The following KIF21A variants were observed in gnomAD, a reference collection of about 807,000 sequenced individuals.
The protein encoded by KIF21A is kinesin family member 21A.
Under a neutral mutation model 202.9 loss-of-function variants are expected in KIF21A, and 114 were observed. That is an observed-to-expected ratio of 0.56 (90% CI 0.48 to 0.66). The LOEUF is 0.66. Among genes scored for constraint, KIF21A ranks in the 30% least tolerant of loss-of-function variants. The pLI is 0.00. For synonymous variants in KIF21A, 667 were observed against 670.8 expected, an observed-to-expected ratio of 0.99 and a Z score of 0.09; for missense variants, 1,677 against 1,994.9, an observed-to-expected ratio of 0.84 and a Z score of 3.04.
At chr12:39,340,010 G>A (rs985885998) in intron 16 of KIF21A, among the ~76,000 whole-genome samples, 155 bp downstream of exon 16, 76 of 152,228 alleles carry the variant, frequency 5.0e-4, no homozygotes, top group Non-Finnish European at 4.3e-4. Context: ...ATGACTATTA[G>A]AAACAACTTC....
At chr12:39,424,075 T>C (rs1211206128) in intron 1 of KIF21A, among the ~76,000 whole-genome samples, 1 of 151,970 alleles carries the variant, frequency 6.6e-6, no homozygotes, top group East Asian at 1.9e-4. Flanking sequence ...CATGCATTAT[T>C]TGATACCACT....
intron 26 of KIF21A, among the ~76,000 whole-genome samples, chr12:39,323,543 G>T (rs1264844931): frequency 6.6e-6 from 1 of 152,066 alleles, no homozygotes; most frequent in Non-Finnish European, 1.5e-5. Flanking sequence ...GCCTTCTGAG[G>T]CAAGTAAAGG....
At chr12:39,327,536 C>T (rs79161124) in intron 24 of KIF21A, among the ~76,000 whole-genome samples, 7,620 of 152,258 alleles carry the variant, frequency 0.05, 653 homozygotes, top group African/African-American at 0.17. Context: ...TAACAGCAGG[C>T]TAAGATTTGC....
At chr12:39,336,299 A>G (rs1206130717) in intron 17 of KIF21A, among the ~76,000 whole-genome samples, 1 of 152,152 alleles carries the variant, frequency 6.6e-6, no homozygotes, top group Non-Finnish European at 1.5e-5. Flanking sequence ...AAAATTTTGG[A>G]AAGAAGAAGA....
At chr12:39,421,646 C>G (rs1188350114) in intron 1 of KIF21A, among the ~76,000 whole-genome samples, 1 of 150,732 alleles carries the variant, frequency 6.6e-6, no homozygotes, top group Non-Finnish European at 1.5e-5. Flanking sequence ...TAGGCCAGGG[C>G]TGCGCCACTG....
chr12:39,415,682 C>G (rs769600839), intron 1 of KIF21A, among the ~76,000 whole-genome samples: 2 of 152,216 alleles, frequency 1.3e-5, no homozygotes, highest in Admixed American at 6.5e-5. Flanking sequence ...GTGTCCCTCT[C>G]AATCTGCAGG....
intron 28 of KIF21A, among the ~76,000 whole-genome samples, chr12:39,319,515 T>A (rs1376513054): frequency 2.0e-5 from 3 of 152,000 alleles, no homozygotes; most frequent in Non-Finnish European, 1.5e-5. Context: ...TCTAAAGAGG[T>A]AGGGTCAAGA....
At chr12:39,416,661 A>G (rs150350447) in intron 1 of KIF21A, among the ~76,000 whole-genome samples, 4,714 of 103,292 alleles carry the variant, frequency 0.046, 1,044 homozygotes, top group African/African-American at 0.19. Context: ...ATATATGTGT[A>G]TATATATATG....
Position 39,332,876 on chromosome 12 carries a change from A to G in KIF21A, c.2702+17T>C. The G allele has an allele frequency of 6.2e-7, 1 of 1,612,726 alleles. No homozygotes were observed. Among genetic ancestry groups the G allele is most frequent in the Non-Finnish European group, 8.5e-7 (1 of 1,179,342 alleles). On this transcript the variant is annotated intron_variant, in intron 19 of 37. Transcript: ENST00000361418. ...CGGCCAAGAAGATTACATCAGCAGG[A>G]ACAGAATTATGTAGACCTGTTTCCA...
At chr12:39,431,415 T>C (rs1937881575) in intron 1 of KIF21A, among the ~76,000 whole-genome samples, 1 of 152,152 alleles carries the variant, frequency 6.6e-6, no homozygotes, top group Non-Finnish European at 1.5e-5. Flanking sequence ...AAGCCAAGTT[T>C]GGACAAGTAA....
At chr12:39,359,307 C>T (rs1057293492) in intron 7 of KIF21A, among the ~76,000 whole-genome samples, 10 of 152,302 alleles carry the variant, frequency 6.6e-5, no homozygotes, top group Admixed American at 3.9e-4. Context: ...AATCCAAGAA[C>T]CAAATCCTCC....
chr12:39,314,976 C>A (rs1302519374), intron 31 of KIF21A, among the ~76,000 whole-genome samples: 1 of 151,690 alleles, frequency 6.6e-6, no homozygotes, highest in Non-Finnish European at 1.5e-5. Flanking sequence ...TTTATATAAA[C>A]TACCAAAGAT....
In KIF21A at chr12:39,370,253, GGT is replaced by G; in HGVS notation, c.51_52del (p.Arg17SerfsTer9). 1 of 1,608,816 alleles carries G rather than the reference GGT, an allele frequency of 6.2e-7. No individual in the cohort carries two copies. Among genetic ancestry groups the G allele is most frequent in the Non-Finnish European group, 8.5e-7 (1 of 1,176,144 alleles). On this transcript the variant is annotated frameshift_variant, in exon 2 of 38. Coordinates refer to ENST00000361418, the MANE Select transcript of KIF21A (RefSeq NM_001173464.2). LOFTEE classifies it high-confidence loss of function. Reference sequence around the variant, plus strand: ...TTCAATCTTCTCTTTGGCAAGCTGTGGTCTTATTCTGTGAGAAATAATCAGAA... The same window carrying G: ...TTCAATCTTCTCTTTGGCAAGCTGTGCTTATTCTGTGAGAAATAATCAGAA...
chr12:39,406,908 C>G (rs1280317799), intron 1 of KIF21A, among the ~76,000 whole-genome samples: 2 of 152,198 alleles, frequency 1.3e-5, no homozygotes, highest in African/African-American at 2.4e-5. Context: ...TCAGCTCATT[C>G]CCTTGTTTCT....
intron 6 of KIF21A, among the ~76,000 whole-genome samples, chr12:39,365,621 T>TA (rs59962555): frequency 0.13 from 19,718 of 152,144 alleles, 1,366 homozygotes; most frequent in African/African-American, 0.18. Flanking sequence ...CAATCATTAC[T>TA]AAAAAAAATT....
rs1947905553 is a variant in KIF21A, at chr12:39,346,516, C to CAGTATTGGAAGCACAGTATTG, written c.1674-13_1674-12insCAATACTGTGCTTCCAATACT. On this transcript the variant is annotated splice_polypyrimidine_tract_variant and intron_variant, in intron 11 of 37. Transcript: ENST00000361418. ...CAAGTTTCTGTAGCCTTCAAAATCACGAGGCACAGTATTGGAAGGCCAAGC... is the reference window on the plus strand; with the variant it reads ...CAAGTTTCTGTAGCCTTCAAAATCACAGTATTGGAAGCACAGTATTGGAGGCACAGTATTGGAAGGCCAAGC... The CAGTATTGGAAGCACAGTATTG allele has an allele frequency of 2.7e-6, 4 of 1,478,634 alleles. No homozygotes were observed. Among genetic ancestry groups the CAGTATTGGAAGCACAGTATTG allele is most frequent in the Non-Finnish European group, 1.8e-6 (2 of 1,117,076 alleles). The allele number at this position is 1,478,634 out of a possible 1,614,324, so 91.6% of individuals were successfully genotyped here.
At position 39,443,083 on chromosome 12, in the gene KIF21A, G is replaced by C; in HGVS notation, c.-113C>G. 2 of 1,090,894 alleles carry C rather than the reference G, an allele frequency of 1.8e-6. No individual in the cohort carries two copies. The highest frequency in any genetic ancestry group is 2.5e-6 in the Non-Finnish European group (2 of 815,328). The allele number at this position is 1,090,894 out of a possible 1,614,324, so 67.6% of individuals were successfully genotyped here. A position where few individuals can be genotyped will look rare whatever the true frequency, so the allele number is the denominator to read the frequency against. On this transcript the variant is annotated 5_prime_UTR_variant, in exon 1 of 38. Coordinates refer to ENST00000361418, the MANE Select transcript of KIF21A (RefSeq NM_001173464.2). ...CTGGGGCGTCTGCGGGCGGGCGGCC[G>C]GCTCACCTCCGCCGCGCTCCAGCCA...
intron 37 of KIF21A, 144 bp from the exon 38 acceptor site, chr12:39,294,661 A>G: frequency 1.5e-6 from 1 of 665,064 alleles, no homozygotes; most frequent in South Asian, 1.8e-5. Flanking sequence ...TCATTTATAT[A>G]GCAAACACAT....
intron 7 of KIF21A, among the ~76,000 whole-genome samples, chr12:39,359,447 A>T (rs1949033679): frequency 6.6e-6 from 1 of 152,182 alleles, no homozygotes; most frequent in South Asian, 2.1e-4. Context: ...GACAGGGATT[A>T]TCAACTTTTA....
Sources: allele counts gnomAD v4.1 joint callset (sites outside exome capture counted in the v4.1 genomes callset), GRCh38; gene constraint gnomAD v4.1.1; transcripts MANE v1.5; gene names NCBI Gene and HGNC (gene_info 2026-07-23, HGNC 2026-07-21).